TP63: variants seen among roughly 807,000 people sequenced by gnomAD.
TP63 encodes tumor protein p63.
In TP63, 17 loss-of-function variants were observed where a neutral mutation model predicts 82.8. The observed-to-expected ratio is 0.21, with a 90% CI of 0.14 to 0.31. TP63 has a LOEUF of 0.31. TP63 is among the 10% of genes least tolerant of loss of function. The pLI is 1.00. For missense variants in TP63, 648 were observed against 895.3 expected (o/e 0.72, Z 3.52); for synonymous variants, 330 against 321.7 (o/e 1.03, Z -0.28).
intron 4 of TP63, among the ~76,000 whole-genome samples, chr3:189,852,133 T>G (rs1715714979): frequency 1.3e-5 from 2 of 152,206 alleles, no homozygotes; most frequent in African/African-American, 4.8e-5. Flanking sequence ...TAAATAGGAT[T>G]TTTTAACTCC....
chr3:189,733,045 G>C (rs1720289675), intron 1 of TP63, among the ~76,000 whole-genome samples: 1 of 152,150 alleles, frequency 6.6e-6, no homozygotes, highest in African/African-American at 2.4e-5. Context: ...TCACGTGCAA[G>C]GAAGCTGAAG....
intron 1 of TP63, among the ~76,000 whole-genome samples, chr3:189,685,201 T>C (rs1273527730): frequency 1.3e-5 from 2 of 152,148 alleles, no homozygotes; most frequent in Non-Finnish European, 2.9e-5. Context: ...AGGAGGAGAT[T>C]GCAAGGTGGT....
At chr3:189,604,561 A>T in the TP63 span, among the ~76,000 whole-genome samples, 1 of 152,202 alleles carries the variant, frequency 6.6e-6, no homozygotes, top group Non-Finnish European at 1.5e-5. Flanking sequence ...ACCTGGAGAT[A>T]ATCTCTAGGA....
intron 4 of TP63, among the ~76,000 whole-genome samples, chr3:189,862,538 A>G (rs1717169291): frequency 6.6e-6 from 1 of 152,182 alleles, no homozygotes; most frequent in Non-Finnish European, 1.5e-5. Flanking sequence ...ACTTGGAAGG[A>G]TACCTTATTT....
At chr3:189,654,836 C>T (rs1713196437) in intron 1 of TP63, among the ~76,000 whole-genome samples, 1 of 152,054 alleles carries the variant, frequency 6.6e-6, no homozygotes, top group South Asian at 2.1e-4. Flanking sequence ...TTTTATTTTC[C>T]ATTGTAACAT....
intron 4 of TP63, among the ~76,000 whole-genome samples, chr3:189,852,685 GA>G (rs1358605634): frequency 6.6e-6 from 1 of 152,054 alleles, no homozygotes; most frequent in Non-Finnish European, 1.5e-5. Context: ...TTGTATTTCT[GA>G]ATACAAAGAA....
At chr3:189,598,460 A>G in the TP63 span, among the ~76,000 whole-genome samples, 1 of 152,244 alleles carries the variant, frequency 6.6e-6, no homozygotes, top group African/African-American at 2.4e-5. Flanking sequence ...GTAATAAAAC[A>G]TGAAACCACA....
intron 3 of TP63, among the ~76,000 whole-genome samples, chr3:189,754,098 T>C (rs556081676): frequency 2.0e-5 from 3 of 152,300 alleles, no homozygotes; most frequent in Admixed American, 2.0e-4. Flanking sequence ...GCTGTTGCTC[T>C]TTATGCCAAA....
chr3:189,840,857 C>CA (rs58360712), intron 4 of TP63, among the ~76,000 whole-genome samples: 3,098 of 97,004 alleles, frequency 0.032, 92 homozygotes, highest in Admixed American at 0.079. Context: ...ACTCAGTCTC[C>CA]AAAAAAAAAA....
chr3:189,869,628 T>C (rs1406517022), intron 9 of TP63, among the ~76,000 whole-genome samples: 1 of 152,070 alleles, frequency 6.6e-6, no homozygotes, highest in Admixed American at 6.6e-5. Context: ...TATGGTCGGG[T>C]TCTGGTGAGA....
chr3:189,811,955 A>G (rs1168029210), intron 4 of TP63, among the ~76,000 whole-genome samples: 2 of 152,188 alleles, frequency 1.3e-5, no homozygotes, highest in African/African-American at 4.8e-5. Flanking sequence ...TACAACACCT[A>G]TTTCTTAGGC....
intron 4 of TP63, among the ~76,000 whole-genome samples, chr3:189,849,163 T>TC (rs1577098618): frequency 6.6e-6 from 1 of 152,180 alleles, no homozygotes; most frequent in South Asian, 2.1e-4. Context: ...TCTGCACCTC[T>TC]CCCCCCATAC....
At chr3:189,719,796 G>C (rs1719244359) in intron 1 of TP63, among the ~76,000 whole-genome samples, 1 of 152,226 alleles carries the variant, frequency 6.6e-6, no homozygotes, top group Admixed American at 6.5e-5. Context: ...CTTTTCTTTG[G>C]AATTATGCTC....
At position 189,896,164 on chromosome 3, in the gene TP63, A is replaced by T. The variant is rs892595510; in HGVS notation, c.*1662A>T. The T allele has an allele frequency of 9.1e-6, 2 of 219,852 alleles. No individual in the cohort carries two copies. The highest frequency in any genetic ancestry group is 4.5e-5 in the African/African-American group (2 of 44,554). 13.6% of individuals were successfully genotyped at this position (219,852 alleles called of 1,614,324 possible). Reference sequence around the variant, plus strand: ...TTCTGGTCAAGGGCTGTCATTGCACATAAGCTTCCATTTTAATTTTAAAGT... The same window carrying T: ...TTCTGGTCAAGGGCTGTCATTGCACTTAAGCTTCCATTTTAATTTTAAAGT... On this transcript the variant is annotated 3_prime_UTR_variant, in exon 14 of 14. Transcript: ENST00000264731.
intron 1 of TP63, among the ~76,000 whole-genome samples, chr3:189,723,921 TGG>T (rs890386120): frequency 1.3e-5 from 2 of 152,062 alleles, no homozygotes; most frequent in Non-Finnish European, 2.9e-5. Context: ...AGGATTACCA[TGG>T]GGAACTTTAT....
Position 189,715,628 on chromosome 3 carries a change from G to C in TP63, c.63-22112G>C, listed in dbSNP as rs1718905889. 2.6e-5 allele frequency among the ~76,000 whole-genome samples: 4 copies of C among 152,156 alleles called. No homozygotes were observed. The South Asian group carries it at 8.3e-4, about 31-fold the overall frequency. The stretch of plus-strand genomic sequence containing the variant: ...TCTGAAACCGTCTCTCTGGTGGTTT[G>C]GGACATAGCCACCATGGTATGTAAA... On this transcript the variant is annotated intron_variant, in intron 1 of 13. Transcript: ENST00000264731.
At chr3:189,744,193 T>C (rs959639266) in intron 3 of TP63, among the ~76,000 whole-genome samples, 1 of 151,462 alleles carries the variant, frequency 6.6e-6, no homozygotes, top group Non-Finnish European at 1.5e-5. Flanking sequence ...CCCAACAGAG[T>C]AGCAGTGACA....
At chr3:189,825,424 C>A (rs998843455) in intron 4 of TP63, among the ~76,000 whole-genome samples, 10 of 152,278 alleles carry the variant, frequency 6.6e-5, no homozygotes, top group African/African-American at 1.9e-4. Flanking sequence ...ACCGATTAAT[C>A]CAGCAGCAGG....
At chr3:189,806,051 T>A in intron 3 of TP63, among the ~76,000 whole-genome samples, 1 of 146,676 alleles carries the variant, frequency 6.8e-6, no homozygotes, top group Non-Finnish European at 1.5e-5. Context: ...TTTTTTTTTT[T>A]TTTTTTTTTT....
Sources: gnomAD v4.1 joint callset for allele counts (sites outside exome capture counted in the v4.1 genomes callset) on GRCh38, gnomAD v4.1.1 for gene constraint, MANE v1.5 for transcripts, NCBI Gene and HGNC (gene_info 2026-07-23, HGNC 2026-07-21) for gene names.